Variants in LPAR1 observed in about 807,000 individuals in gnomAD.
The protein encoded by LPAR1 is lysophosphatidic acid receptor 1.
LPAR1 carries 5 observed loss-of-function variants against 23.8 expected under a neutral mutation model. The observed-to-expected ratio is 0.21, with a 90% CI of 0.11 to 0.44. The LOEUF (loss-of-function observed/expected upper bound fraction) is 0.44. Ranked by LOEUF, LPAR1 falls within the 20% of genes least tolerant of loss-of-function variation. The probability of loss-of-function intolerance (pLI) is 0.99; values close to 1 mark genes in which losing one functional copy is unlikely to be tolerated. For missense variants in LPAR1, 311 were observed against 482.8 expected, an observed-to-expected ratio of 0.64 and a Z score of 3.33; for synonymous variants, 160 against 164.7, an observed-to-expected ratio of 0.97 and a Z score of 0.22.
At chr9:110,950,521 T>C (rs2095537389) in intron 4 of LPAR1, among the ~76,000 whole-genome samples, 1 of 147,058 alleles carries the variant, frequency 6.8e-6, no homozygotes, top group African/African-American at 2.5e-5. Context: ...TAACCACACA[T>C]AATATAATCA....
At chr9:110,931,433 TCAATGCATGTTTGCTGA>T (rs1376398831) in intron 5 of LPAR1, among the ~76,000 whole-genome samples, 1 of 152,238 alleles carries the variant, frequency 6.6e-6, no homozygotes, top group African/African-American at 2.4e-5. Context: ...CTAGAAGACT[TCAATGCATGTTTGCTGA>T]CAAAATAAAC....
rs553089086 is a variant in LPAR1, at chr9:110,946,211, C to T, written c.46-4043G>A. Among the ~76,000 whole-genome samples, 4 of 151,944 alleles carry T rather than the reference C, an allele frequency of 2.6e-5. No homozygotes were observed. In the East Asian group the frequency reaches 7.7e-4, roughly 29 times the overall value. ...ATGACAAGAACAAAAGAAAAGAAGG[C>T]ACATATAGGAAAAAAATTCAAGATG... On this transcript the variant is annotated intron_variant, in intron 4 of 5. Transcript: ENST00000683809.
At chr9:111,026,577 G>A (rs541322408) in intron 2 of LPAR1, among the ~76,000 whole-genome samples, 10 of 152,292 alleles carry the variant, frequency 6.6e-5, no homozygotes, top group African/African-American at 2.4e-4. Context: ...AATAGGAGTG[G>A]TGAAAGAGGG....
chr9:110,922,704 A>G (rs1227987150), intron 5 of LPAR1, among the ~76,000 whole-genome samples: 1 of 151,962 alleles, frequency 6.6e-6, no homozygotes, highest in Non-Finnish European at 1.5e-5. Flanking sequence ...CTGAGACAGT[A>G]TGAGCACTGA....
chr9:110,941,235 C>T lies in LPAR1; in HGVS notation c.793+186G>A, dbSNP rs1020302817. Reference sequence around the variant, plus strand: ...CACTGGGACCCATGTTTCCCTAACGCTAATTCTATAATTTTAGGAAGACTC... The same window carrying T: ...CACTGGGACCCATGTTTCCCTAACGTTAATTCTATAATTTTAGGAAGACTC... On this transcript the variant is annotated intron_variant, in intron 5 of 5. Coordinates refer to ENST00000683809, the MANE Select transcript of LPAR1 (RefSeq NM_001351411.2). This position sits in a 1 kb window ranked among gnomAD's most constrained non-coding sequence, Gnocchi z 6.1. Among the ~76,000 whole-genome samples the T allele has an allele frequency of 3.3e-5, 5 of 152,164 alleles. No individual in the cohort carries two copies. Among genetic ancestry groups the T allele is most frequent in the African/African-American group, 1.2e-4 (5 of 41,430 alleles).
At chr9:110,982,569 T>C (rs985281571) in intron 2 of LPAR1, among the ~76,000 whole-genome samples, 6 of 152,020 alleles carry the variant, frequency 3.9e-5, no homozygotes, top group African/African-American at 1.5e-4. Context: ...GGCACATGTA[T>C]ACTTATGTAA....
At chr9:110,938,605 G>A (rs777487689) in intron 5 of LPAR1, among the ~76,000 whole-genome samples, 3 of 151,772 alleles carry the variant, frequency 2.0e-5, no homozygotes, top group Non-Finnish European at 4.4e-5. Flanking sequence ...TGCAATCCCA[G>A]CATTTTGGGA....
intron 5 of LPAR1, among the ~76,000 whole-genome samples, chr9:110,889,364 T>TA (rs1162747569): frequency 1.3e-5 from 2 of 151,116 alleles, no homozygotes; most frequent in Non-Finnish European, 3.0e-5. Context: ...TCTCAAAAAA[T>TA]AAAAAAATAA....
At position 110,999,847 on chromosome 9, in the gene LPAR1, C is replaced by T. The variant is rs10116720; in HGVS notation, c.-181-26289G>A. ...AGCCTCCCAAGAAGCTGAAACTACA[C>T]GCACACGCCACCACACCAGGCTAAT... On this transcript the variant is annotated intron_variant, in intron 2 of 5. Transcript: ENST00000683809. Among the ~76,000 whole-genome samples the T allele has an allele frequency of 5.6e-4, 85 of 152,016 alleles. 1 individual carries two copies. The highest frequency in any genetic ancestry group is 1.7e-3 in the African/African-American group (70 of 41,450).
At chr9:111,019,884 A>C (rs903941634) in intron 2 of LPAR1, among the ~76,000 whole-genome samples, 3 of 152,116 alleles carry the variant, frequency 2.0e-5, no homozygotes, top group South Asian at 2.1e-4. Context: ...AAATGAAAAA[A>C]ATTTATTTTC....
In LPAR1 at chr9:110,992,117, C is replaced by T. The variant is rs774626658; in HGVS notation, c.-181-18559G>A. ...TTGTTAAATAAATTAAATGGCAAGCCACAAACTGAGAGAAAATACTTTCAA... is the reference window on the plus strand; with the variant it reads ...TTGTTAAATAAATTAAATGGCAAGCTACAAACTGAGAGAAAATACTTTCAA... On this transcript the variant is annotated intron_variant, in intron 2 of 5. Coordinates refer to ENST00000683809, the MANE Select transcript of LPAR1 (RefSeq NM_001351411.2). 1.8e-4 allele frequency among the ~76,000 whole-genome samples: 27 copies of T among 151,916 alleles called. 1 individual carries two copies. The highest frequency in any genetic ancestry group is 1.4e-3 in the Admixed American group (22 of 15,264).
intron 4 of LPAR1, among the ~76,000 whole-genome samples, chr9:110,962,035 G>C (rs1170678682): frequency 6.6e-6 from 1 of 152,174 alleles, no homozygotes. Context: ...TTGCCACCTT[G>C]TTTCTCCTGC....
chr9:110,994,898 T>C (rs2096966117), intron 2 of LPAR1, among the ~76,000 whole-genome samples: 1 of 152,228 alleles, frequency 6.6e-6, no homozygotes, highest in South Asian at 2.1e-4. Flanking sequence ...AAAAGTCAAA[T>C]AGGTCTTCTG....
intron 2 of LPAR1, among the ~76,000 whole-genome samples, chr9:111,024,380 T>C (rs1390205557): frequency 6.8e-6 from 1 of 148,082 alleles, no homozygotes; most frequent in African/African-American, 2.5e-5. Context: ...TATATATACA[T>C]ATTTTTATAT....
At chr9:110,980,644 GGGAGAGTTTGGTTAAT>G (rs1240668486) in intron 2 of LPAR1, among the ~76,000 whole-genome samples, 3 of 151,746 alleles carry the variant, frequency 2.0e-5, no homozygotes, top group Non-Finnish European at 2.9e-5. Context: ...GGGAGGGATA[GGGAGAGTTTGGTTAAT>G]GGATGTACAA....
chr9:110,899,248 C>A (rs10980624), intron 5 of LPAR1, among the ~76,000 whole-genome samples: 24,857 of 152,124 alleles, frequency 0.16, 2,593 homozygotes, highest in Admixed American at 0.24. Context: ...AAATGGCTAT[C>A]TTTTTTCATA....
At chr9:111,011,264 T>A (rs1312259609) in intron 2 of LPAR1, among the ~76,000 whole-genome samples, 14 of 152,204 alleles carry the variant, frequency 9.2e-5, no homozygotes, top group Admixed American at 9.2e-4. Context: ...TCATAAAATT[T>A]ATAGCATCTC....
At chr9:111,003,158 C>T (rs900757077) in intron 2 of LPAR1, among the ~76,000 whole-genome samples, 7 of 152,080 alleles carry the variant, frequency 4.6e-5, no homozygotes, top group Non-Finnish European at 5.9e-5. Flanking sequence ...ATTTTATCAA[C>T]GACTACATTA....
At chr9:110,880,733 C>A (rs1174354214) in intron 5 of LPAR1, among the ~76,000 whole-genome samples, 1 of 152,152 alleles carries the variant, frequency 6.6e-6, no homozygotes, top group Non-Finnish European at 1.5e-5. Context: ...CAGAGACCTG[C>A]GGTGGGAATC....
Sources: allele counts gnomAD v4.1 joint callset (sites outside exome capture counted in the v4.1 genomes callset), GRCh38; gene constraint gnomAD v4.1.1; non-coding constraint Gnocchi (gnomAD v3.1); transcripts MANE v1.5; gene names NCBI Gene and HGNC (gene_info 2026-07-23, HGNC 2026-07-21).